The following RAB33B variants were observed in gnomAD, a reference collection of about 807,000 sequenced individuals.
RAB33B encodes RAB33B, member RAS oncogene family.
RAB33B carries 6 observed loss-of-function variants against 15.0 expected under a neutral mutation model. That is an observed-to-expected ratio of 0.40 (90% CI 0.22 to 0.79). The LOEUF is 0.79. Among genes scored for constraint, RAB33B ranks in the 30% least tolerant of loss-of-function variants. RAB33B has a pLI of 0.37. For synonymous variants in RAB33B, 117 were observed against 108.3 expected (o/e 1.08, Z -0.50); for missense variants, 257 against 296.4 (o/e 0.87, Z 0.98).
chr4:139,460,210 A>G (rs1425660983), intron 1 of RAB33B, among the ~76,000 whole-genome samples: 1 of 152,180 alleles, frequency 6.6e-6, no homozygotes, highest in Non-Finnish European at 1.5e-5. Context: ...TTGAATTTGG[A>G]CAGGCTCTGT....
chr4:139,447,488 G>C, the RAB33B span, among the ~76,000 whole-genome samples: 1 of 151,890 alleles, frequency 6.6e-6, no homozygotes, highest in African/African-American at 2.4e-5. Flanking sequence ...GTTTCAAAGG[G>C]AGGAACACTG....
intron 1 of RAB33B, among the ~76,000 whole-genome samples, chr4:139,464,226 A>C (rs994698062): frequency 6.6e-6 from 1 of 152,120 alleles, no homozygotes; most frequent in African/African-American, 2.4e-5. Flanking sequence ...GCAATGATCC[A>C]TGATTGTGCC....
chr4:139,444,548 CTG>C, the RAB33B span, among the ~76,000 whole-genome samples: 1 of 152,170 alleles, frequency 6.6e-6, no homozygotes, highest in Non-Finnish European at 1.5e-5. Flanking sequence ...CAGGGTAAAA[CTG>C]TGCACTGGGG....
At chr4:139,443,036 A>G in the RAB33B span, among the ~76,000 whole-genome samples, 1 of 150,890 alleles carries the variant, frequency 6.6e-6, no homozygotes, top group African/African-American at 2.4e-5. Context: ...TCTGTCACCC[A>G]GGCTGGAGTG....
chr4:139,459,800 A>T (rs1190818500), intron 1 of RAB33B, among the ~76,000 whole-genome samples: 2 of 151,986 alleles, frequency 1.3e-5, no homozygotes, highest in Non-Finnish European at 2.9e-5. Context: ...CACCCCGCTA[A>T]TTTTTTGTAT....
chr4:139,440,262 G>A, the RAB33B span, among the ~76,000 whole-genome samples: 1 of 152,010 alleles, frequency 6.6e-6, no homozygotes, highest in African/African-American at 2.4e-5. Flanking sequence ...TCTCATATAT[G>A]CAATTGTGTT....
chr4:139,454,612 C>T (rs1750027110), intron 1 of RAB33B, among the ~76,000 whole-genome samples, 168 bp downstream of exon 1: 1 of 152,208 alleles, frequency 6.6e-6, no homozygotes, highest in Admixed American at 6.5e-5. Flanking sequence ...ACTTCTAAGG[C>T]AGCGTTTCTC....
At chr4:139,447,292 C>T in the RAB33B span, among the ~76,000 whole-genome samples, 9 of 152,294 alleles carry the variant, frequency 5.9e-5, no homozygotes, top group African/African-American at 2.2e-4. Flanking sequence ...CAAAGTTCTC[C>T]AGAAGGCCAT....
chr4:139,459,746 G>A (rs1750134343), intron 1 of RAB33B, among the ~76,000 whole-genome samples: 1 of 151,588 alleles, frequency 6.6e-6, no homozygotes, highest in African/African-American at 2.4e-5. Flanking sequence ...CAATTCTCCT[G>A]CCTCAGCGTC....
rs187497691 is a variant in RAB33B, at chr4:139,470,105, A to C, written c.250-2581A>C. Among the ~76,000 whole-genome samples the C allele has an allele frequency of 2.0e-5, 3 of 152,350 alleles. No homozygotes were observed. In the East Asian group the frequency reaches 5.8e-4, roughly 29 times the overall value. ...GGACTCTACAATCAGCAGGTGGCAA[A>C]GCCAGCCAGGCCTGTGTCCTTCTCT... On this transcript the variant is annotated intron_variant, in intron 1 of 1. Transcript: ENST00000305626.
the RAB33B span, among the ~76,000 whole-genome samples, chr4:139,440,091 A>C: frequency 6.6e-6 from 1 of 152,100 alleles, no homozygotes. Context: ...CCTCTTCTCC[A>C]GGGTTTGCTG....
At chr4:139,467,702 A>T (rs80288080) in intron 1 of RAB33B, among the ~76,000 whole-genome samples, 2,532 of 151,814 alleles carry the variant, frequency 0.017, 64 homozygotes, top group African/African-American at 0.056. Context: ...ACAAAAAAAT[A>T]AACAAATTAG....
At chr4:139,454,854 A>C (rs1421801484) in intron 1 of RAB33B, among the ~76,000 whole-genome samples, 1 of 152,196 alleles carries the variant, frequency 6.6e-6, no homozygotes, top group Non-Finnish European at 1.5e-5. Context: ...AAATTCATTT[A>C]ATCAGTAATA....
At chr4:139,440,091 A>G in the RAB33B span, among the ~76,000 whole-genome samples, 5 of 152,100 alleles carry the variant, frequency 3.3e-5, no homozygotes, top group Non-Finnish European at 7.4e-5. Context: ...CCTCTTCTCC[A>G]GGGTTTGCTG....
In RAB33B at chr4:139,474,029, C is replaced by G. The variant is rs949233015; in HGVS notation, c.*903C>G. The G allele has an allele frequency of 6.6e-6, 1 of 151,566 alleles. No individual in the cohort carries two copies. Among genetic ancestry groups the G allele is most frequent in the African/African-American group, 2.4e-5 (1 of 41,296 alleles). 9.4% of individuals were successfully genotyped at this position (151,566 alleles called of 1,614,324 possible). On this transcript the variant is annotated 3_prime_UTR_variant, in exon 2 of 2. Coordinates refer to ENST00000305626, the MANE Select transcript of RAB33B (RefSeq NM_031296.3). ...AAGTGATTCTCCTGCCTCAGCCTCCCGAGTAGCTGGGATTACAGGCGTGCA... is the reference window on the plus strand; with the variant it reads ...AAGTGATTCTCCTGCCTCAGCCTCCGGAGTAGCTGGGATTACAGGCGTGCA...
the RAB33B span, among the ~76,000 whole-genome samples, chr4:139,447,205 G>A: frequency 6.6e-6 from 1 of 152,158 alleles, no homozygotes; most frequent in Non-Finnish European, 1.5e-5. Flanking sequence ...TGAAGCAGCT[G>A]GAATGATAGA....
chr4:139,469,480 C>T (rs1309993667), intron 1 of RAB33B, among the ~76,000 whole-genome samples: 2 of 152,172 alleles, frequency 1.3e-5, no homozygotes, highest in Non-Finnish European at 2.9e-5. Flanking sequence ...ATATGTGTTT[C>T]TCCAGGATTG....
chr4:139,447,867 C>T, the RAB33B span, among the ~76,000 whole-genome samples: 7 of 151,766 alleles, frequency 4.6e-5, no homozygotes, highest in African/African-American at 1.2e-4. Context: ...GGGGTTTCAC[C>T]GTTTTTAGCT....
At chr4:139,446,599 T>C in the RAB33B span, among the ~76,000 whole-genome samples, 1 of 152,196 alleles carries the variant, frequency 6.6e-6, no homozygotes. Context: ...ACTGTGAAGA[T>C]ATTTGTATCC....
Sources: gnomAD v4.1 joint callset for allele counts (sites outside exome capture counted in the v4.1 genomes callset) on GRCh38, gnomAD v4.1.1 for gene constraint, MANE v1.5 for transcripts, NCBI Gene and HGNC (gene_info 2026-07-23, HGNC 2026-07-21) for gene names.